NHERF4: variants seen among roughly 807,000 people sequenced by gnomAD.
NHERF4 encodes the protein NHERF family PDZ scaffold protein 4, also known as Na(+)/H(+) exchange regulatory cofactor NHE-RF4.
At chr11:119,185,893 C>G in the NHERF4 span, 2 of 1,614,034 alleles carry the variant, frequency 1.2e-6, no homozygotes, top group Non-Finnish European at 1.7e-6. Context: ...GAATGTGACT[C>G]TCCTCCTCTC....
chr11:119,188,044 C>T, the NHERF4 span: 1 of 1,554,862 alleles, frequency 6.4e-7, no homozygotes, highest in Non-Finnish European at 8.7e-7. Context: ...TGGCAGAGGG[C>T]TGGGCACTGC....
At chr11:119,187,763 C>T in the NHERF4 span, 162 of 1,464,230 alleles carry the variant, frequency 1.1e-4, 1 homozygote, top group Middle Eastern at 1.2e-3. Flanking sequence ...CTCGGGAAGA[C>T]GCCTCCTTCC....
At chr11:119,189,722 T>A in the NHERF4 span, 1 of 584,672 alleles carries the variant, frequency 1.7e-6, no homozygotes, top group Non-Finnish European at 3.1e-6. This position sits in a 1 kb window ranked among gnomAD's most constrained non-coding sequence, Gnocchi z 5.8. Context: ...CCAGAGGATG[T>A]CATATGGGAG....
At chr11:119,188,973 G>A in the NHERF4 span, 2 of 1,613,658 alleles carry the variant, frequency 1.2e-6, no homozygotes, top group Non-Finnish European at 1.7e-6. Context: ...TTCCCCCGGT[G>A]TCCCCTGTTC....
chr11:119,186,422 C>T, the NHERF4 span: 1 of 1,597,974 alleles, frequency 6.3e-7, no homozygotes, highest in Non-Finnish European at 8.6e-7. This position sits in a 1 kb window ranked among gnomAD's most constrained non-coding sequence, Gnocchi z 4.4. Context: ...CACGGCGAAC[C>T]TGTACTTGGG....
chr11:119,188,148 A>G, the NHERF4 span: 1 of 1,533,922 alleles, frequency 6.5e-7, no homozygotes, highest in Non-Finnish European at 8.8e-7. Flanking sequence ...CGCCCTGGTG[A>G]GTGGGAGCCC....
chr11:119,185,908 ACTT>A, the NHERF4 span: 2 of 1,614,074 alleles, frequency 1.2e-6, no homozygotes, highest in Admixed American at 1.7e-5. Context: ...CCTCTCACCC[ACTT>A]CTTTGCCCAG....
chr11:119,186,160 C>T, the NHERF4 span: 3 of 1,614,146 alleles, frequency 1.9e-6, no homozygotes, highest in African/African-American at 4.0e-5. This position sits in a 1 kb window ranked among gnomAD's most constrained non-coding sequence, Gnocchi z 4.4. Context: ...GACCACGACC[C>T]CTATGGTAAC....
the NHERF4 span, chr11:119,189,065 G>T: frequency 1.2e-6 from 2 of 1,614,176 alleles, no homozygotes; most frequent in Non-Finnish European, 1.7e-6. This position sits in a 1 kb window ranked among gnomAD's most constrained non-coding sequence, Gnocchi z 5.8. Context: ...GATTCTGGAA[G>T]TGAACGGGTA....
chr11:119,186,764 T>C, the NHERF4 span: 7 of 1,390,968 alleles, frequency 5.0e-6, no homozygotes, highest in Non-Finnish European at 5.8e-6. This position sits in a 1 kb window ranked among gnomAD's most constrained non-coding sequence, Gnocchi z 4.4. Context: ...CTGGGCAGTA[T>C]GGCAGCAGGG....
chr11:119,189,221 C>T, the NHERF4 span: 1 of 1,597,052 alleles, frequency 6.3e-7, no homozygotes. This position sits in a 1 kb window ranked among gnomAD's most constrained non-coding sequence, Gnocchi z 5.8. Flanking sequence ...GAAGAAGAAA[C>T]AGATGGGACT....
chr11:119,186,500 C>T, the NHERF4 span: 1 of 1,614,166 alleles, frequency 6.2e-7, no homozygotes, highest in East Asian at 2.2e-5. This position sits in a 1 kb window ranked among gnomAD's most constrained non-coding sequence, Gnocchi z 4.4. Context: ...CTGGAGCGGC[C>T]TCGCTTCTGT....
the NHERF4 span, chr11:119,188,236 C>G: frequency 3.8e-5 from 59 of 1,558,698 alleles, no homozygotes; most frequent in East Asian, 9.5e-4. Context: ...GAAGAGGTGT[C>G]CCTGTCTGAG....
chr11:119,188,969 C>A, the NHERF4 span: 84 of 1,613,106 alleles, frequency 5.2e-5, no homozygotes, highest in Non-Finnish European at 6.9e-5. Flanking sequence ...AACTTTCCCC[C>A]GGTGTCCCCT....
At chr11:119,189,160 G>T in the NHERF4 span, 1 of 1,613,330 alleles carries the variant, frequency 6.2e-7, no homozygotes, top group South Asian at 1.1e-5. The surrounding 1 kb of genome is among the most constrained non-coding windows in gnomAD (Gnocchi z 5.8). Flanking sequence ...TGGCAGCCAG[G>T]TCTCTGCGGG....
chr11:119,187,225 C>G, the NHERF4 span: 1 of 1,459,072 alleles, frequency 6.9e-7, no homozygotes, highest in Non-Finnish European at 9.1e-7. Context: ...TGGGGGTTGG[C>G]AAGAGGGTCT....
the NHERF4 span, chr11:119,187,286 G>A: frequency 1.4e-5 from 22 of 1,605,718 alleles, 1 homozygote; most frequent in South Asian, 2.3e-4. Context: ...CGCCGCATCC[G>A]GGCCAGCAGC....
At chr11:119,189,534 T>C in the NHERF4 span, 5 of 1,605,088 alleles carry the variant, frequency 3.1e-6, no homozygotes, top group Non-Finnish European at 4.3e-6. This position sits in a 1 kb window ranked among gnomAD's most constrained non-coding sequence, Gnocchi z 5.8. Flanking sequence ...GGCTACCGTG[T>C]CTTCACTCTC....
chr11:119,185,579 G>A, the NHERF4 span: 3 of 1,469,580 alleles, frequency 2.0e-6, no homozygotes, highest in Admixed American at 1.7e-5. Flanking sequence ...GGAGGCTGAA[G>A]CTTTGGGACC....
Sources: gnomAD v4.1 joint callset for allele counts on GRCh38, gnomAD v4.1.1 for gene constraint, Gnocchi (gnomAD v3.1) non-coding constraint, MANE v1.5 for transcripts, NCBI Gene and HGNC (gene_info 2026-07-23, HGNC 2026-07-21) for gene names.